SCAPER: variants seen among roughly 807,000 people sequenced by gnomAD.
The protein encoded by SCAPER is S phase cyclin A-associated protein in the endoplasmic reticulum.
SCAPER carries 98 observed loss-of-function variants against 182.2 expected under a neutral mutation model. That is an observed-to-expected ratio of 0.54 (90% CI 0.46 to 0.64). SCAPER has a LOEUF of 0.64. Ranked by LOEUF, SCAPER falls within the 30% of genes least tolerant of loss-of-function variation. The pLI, the probability that SCAPER is intolerant of heterozygous loss-of-function variation, is 0.00. For synonymous variants in SCAPER, 605 were observed against 564.6 expected, an observed-to-expected ratio of 1.07 and a Z score of -1.01; for missense variants, 1,432 against 1,690.0, an observed-to-expected ratio of 0.85 and a Z score of 2.68.
At chr15:76,791,963 G>C (rs1363670726) in intron 8 of SCAPER, among the ~76,000 whole-genome samples, 2 of 148,878 alleles carry the variant, frequency 1.3e-5, no homozygotes, top group Non-Finnish European at 3.0e-5. Flanking sequence ...ACATGATAGT[G>C]AACAAGCAGA....
intron 5 of SCAPER, among the ~76,000 whole-genome samples, chr15:76,814,822 A>G (rs2066933888): frequency 6.6e-6 from 1 of 152,184 alleles, no homozygotes; most frequent in Non-Finnish European, 1.5e-5. Flanking sequence ...ACAGAATGAA[A>G]AAGCAGGCTA....
chr15:76,492,626 A>C (rs1279920028), intron 24 of SCAPER, among the ~76,000 whole-genome samples: 1 of 152,172 alleles, frequency 6.6e-6, no homozygotes, highest in Non-Finnish European at 1.5e-5. Flanking sequence ...TTATTGTTTC[A>C]GTGATAAAAC....
intron 23 of SCAPER, among the ~76,000 whole-genome samples, chr15:76,556,077 C>A (rs974913763): frequency 6.6e-6 from 1 of 152,052 alleles, no homozygotes; most frequent in East Asian, 1.9e-4. Context: ...ACTAGGACGG[C>A]CACTGAAAAC....
intron 23 of SCAPER, among the ~76,000 whole-genome samples, chr15:76,538,902 A>G (rs2044462843): frequency 6.6e-6 from 1 of 152,114 alleles, no homozygotes; most frequent in Non-Finnish European, 1.5e-5. Context: ...TCCGAAAAAC[A>G]TGAAGACTGA....
At chr15:76,768,884 G>GT (rs1270462989) in intron 10 of SCAPER, among the ~76,000 whole-genome samples, 1 of 151,682 alleles carries the variant, frequency 6.6e-6, no homozygotes, top group African/African-American at 2.4e-5. Flanking sequence ...AAAAACGTTC[G>GT]TGGCATCTTT....
At chr15:76,854,803 CAAAAAAA>C (rs35484908) in intron 4 of SCAPER, among the ~76,000 whole-genome samples, 13 of 118,350 alleles carry the variant, frequency 1.1e-4, no homozygotes, top group Non-Finnish European at 1.5e-4. Context: ...ACTAAAAATA[CAAAAAAA>C]AAAAAAAAAA....
intron 25 of SCAPER, among the ~76,000 whole-genome samples, chr15:76,455,131 C>G (rs1210573930): frequency 6.6e-6 from 1 of 152,100 alleles, no homozygotes; most frequent in Non-Finnish European, 1.5e-5. Flanking sequence ...TAAGAATTTA[C>G]CATTTTTAAT....
chr15:76,861,343 T>C (rs532076814), intron 3 of SCAPER, among the ~76,000 whole-genome samples: 1 of 152,330 alleles, frequency 6.6e-6, no homozygotes, highest in South Asian at 2.1e-4. Context: ...ATTGATTAAA[T>C]TAACGAGACA....
intron 20 of SCAPER, among the ~76,000 whole-genome samples, chr15:76,667,489 T>C (rs897973405): frequency 1.4e-4 from 21 of 152,072 alleles, no homozygotes; most frequent in African/African-American, 5.1e-4. Context: ...TCTCTAGTTC[T>C]GACCTCTCTC....
intron 27 of SCAPER, among the ~76,000 whole-genome samples, chr15:76,387,961 A>T (rs966364478): frequency 2.0e-5 from 3 of 152,222 alleles, no homozygotes; most frequent in Non-Finnish European, 4.4e-5. Flanking sequence ...CTTGATCACC[A>T]AAGAATATAA....
At chr15:76,376,346 C>A in intron 28 of SCAPER, 35 bp from the exon 29 acceptor site, 2 of 1,573,148 alleles carry the variant, frequency 1.3e-6, no homozygotes, top group East Asian at 2.3e-5. Context: ...AAGCCCTCAG[C>A]CCAGGGAGAG....
In SCAPER at chr15:76,767,106, C is replaced by T. The variant is rs1263241490; in HGVS notation, c.1249-18G>A. Reference sequence around the variant, plus strand: ...GCCATGGACTATAAAGTTAAAAACACATAAACAAAAAGAAAAATGATCACT... The same window carrying T: ...GCCATGGACTATAAAGTTAAAAACATATAAACAAAAAGAAAAATGATCACT... On this transcript the variant is annotated intron_variant, in intron 10 of 31. Transcript: ENST00000563290. 5 of 1,544,876 alleles carry T rather than the reference C, an allele frequency of 3.2e-6. No homozygotes were observed. In the African/African-American group the frequency reaches 5.6e-5, roughly 17 times the overall value.
In SCAPER at chr15:76,891,303, T is replaced by C. The variant is rs146000489; in HGVS notation, c.-59-7427A>G. On this transcript the variant is annotated intron_variant, in intron 1 of 31. Transcript: ENST00000563290. ...CTCACCACTCCTATTCAACACAGTGTTGGAAATTCTGGCCAGAGCAATTAG... is the reference window on the plus strand; with the variant it reads ...CTCACCACTCCTATTCAACACAGTGCTGGAAATTCTGGCCAGAGCAATTAG... 6.8e-3 allele frequency among the ~76,000 whole-genome samples: 1,037 copies of C among 152,262 alleles called. 16 individuals carry two copies. The highest frequency in any genetic ancestry group is 0.024 in the African/African-American group (996 of 41,546).
intron 21 of SCAPER, among the ~76,000 whole-genome samples, chr15:76,629,459 T>C (rs1459029879): frequency 1.3e-5 from 2 of 152,250 alleles, no homozygotes; most frequent in Non-Finnish European, 2.9e-5. Flanking sequence ...ATTGAGAGTT[T>C]TTGACATGAA....
At chr15:76,685,264 CAG>C (rs112929345) in intron 20 of SCAPER, among the ~76,000 whole-genome samples, 10,173 of 151,368 alleles carry the variant, frequency 0.067, 374 homozygotes, top group Middle Eastern at 0.11. Context: ...AGGTATGAGA[CAG>C]AATGCCACCG....
Position 76,520,862 on chromosome 15 carries a change from T to C in SCAPER, c.2839-15888A>G, listed in dbSNP as rs545845153. Among the ~76,000 whole-genome samples, 4 of 152,306 alleles carry C rather than the reference T, an allele frequency of 2.6e-5. No homozygotes were observed. In the East Asian group the frequency reaches 7.7e-4, roughly 29 times the overall value. ...CACCATAGTATATTGCCTCCCTGCATGGTACACACTGAAAAACAAAATTGT... is the reference window on the plus strand; with the variant it reads ...CACCATAGTATATTGCCTCCCTGCACGGTACACACTGAAAAACAAAATTGT... On this transcript the variant is annotated intron_variant, in intron 23 of 31. Transcript: ENST00000563290.
intron 1 of SCAPER, among the ~76,000 whole-genome samples, chr15:76,892,943 T>C (rs2074241018): frequency 1.4e-5 from 2 of 147,770 alleles, no homozygotes; most frequent in African/African-American, 4.8e-5. Flanking sequence ...AACGATAGAC[T>C]GGATTAAGAA....
At chr15:76,399,127 G>T (rs1208920169) in intron 27 of SCAPER, among the ~76,000 whole-genome samples, 1 of 152,008 alleles carries the variant, frequency 6.6e-6, no homozygotes, top group East Asian at 1.9e-4. Flanking sequence ...AACAGTAAAG[G>T]CCAAAGAAAT....
intron 29 of SCAPER, among the ~76,000 whole-genome samples, chr15:76,371,277 C>G (rs1214802111): frequency 6.6e-6 from 1 of 151,098 alleles, no homozygotes; most frequent in East Asian, 1.9e-4. Flanking sequence ...AAGAACTCTA[C>G]AAATATAAGG....
Sources: gnomAD v4.1 joint callset for allele counts (sites outside exome capture counted in the v4.1 genomes callset) on GRCh38, gnomAD v4.1.1 for gene constraint, MANE v1.5 for transcripts, NCBI Gene and HGNC (gene_info 2026-07-23, HGNC 2026-07-21) for gene names.